Variants in THAP9 observed in about 807,000 individuals in gnomAD.
The protein encoded by THAP9 is THAP domain containing 9.
A neutral mutation model predicts 35.7 loss-of-function variants in THAP9; 20 were observed. That is an observed-to-expected ratio of 0.56 (90% CI 0.39 to 0.81). The LOEUF (loss-of-function observed/expected upper bound fraction) is 0.81. THAP9 is among the 40% of genes least tolerant of loss of function. The pLI, the probability that THAP9 is intolerant of heterozygous loss-of-function variation, is 0.00. For missense variants in THAP9, 870 were observed against 1,047.4 expected, an observed-to-expected ratio of 0.83 and a Z score of 2.34; for synonymous variants, 335 against 373.7, an observed-to-expected ratio of 0.90 and a Z score of 1.19.
chr4:82,912,829 C>T (rs556302691), intron 4 of THAP9, among the ~76,000 whole-genome samples: 2 of 152,220 alleles, frequency 1.3e-5, no homozygotes, highest in East Asian at 3.9e-4. Flanking sequence ...AGATGTCCTT[C>T]GATTTGAGTT....
At position 82,917,827 on chromosome 4, in the gene THAP9, A is replaced by G. The variant is rs773063227; in HGVS notation, c.1615A>G (p.Thr539Ala). The change falls in exon 5 of 5, where the codon ACT becomes GCT. Residue 539 changes from threonine (T) to alanine (A), a missense_variant. Thr to Ala is a moderately conservative substitution (Grantham distance 58). Coordinates refer to ENST00000302236, the MANE Select transcript of THAP9 (RefSeq NM_024672.6). ...ACTTAAAGGGCCTCTGTTGCCTGAA[A>G]CTTACAGTAAAATAAACCACGTGTT... ...KGLKGPLLPE[T>A]YSKINHVLIE... 1.2e-6 allele frequency: 2 copies of G among 1,613,624 alleles called. No individual in the cohort carries two copies. Among genetic ancestry groups the G allele is most frequent in the South Asian group, 2.2e-5 (2 of 91,064 alleles).
intron 2 of THAP9, chr4:82,906,021 C>T (rs1194195387): frequency 6.8e-6 from 3 of 438,566 alleles, no homozygotes; most frequent in African/African-American, 4.1e-5. Flanking sequence ...GTTATTGTAC[C>T]TTCTAAGAAC....
Position 82,904,827 on chromosome 4 carries a change from G to A in THAP9, c.172G>A (p.Gly58Ser). ...RSKKIWIPGP[G>S]AILCSKHFQE... is the part of the protein sequence containing the mutation. The stretch of plus-strand genomic sequence containing the variant: ...CAAAAAGATTTGGATTCCAGGACCA[G>A]GTGCTATACTGTGTTCCAAACATTT... The change falls in exon 2 of 5, where the codon GGT becomes AGT. Residue 58 changes from glycine to serine, a missense_variant. Physicochemically the swap from Gly to Ser is moderately conservative, Grantham distance 56. This residue lies in a region of THAP9 where 440 missense variants were observed against 501.2 expected (regional missense o/e 0.88). Coordinates refer to ENST00000302236, the MANE Select transcript of THAP9 (RefSeq NM_024672.6). The A allele has an allele frequency of 6.2e-7, 1 of 1,614,066 alleles. No homozygotes were observed. The highest frequency in any genetic ancestry group is 1.7e-5 in the Admixed American group (1 of 60,020).
In THAP9 at chr4:82,917,264, C is replaced by G; in HGVS notation, c.1052C>G (p.Ala351Gly). ...FVNRASGYLQ[A>G]QLLRLTIGKL... ...AACAGAGCATCTGGATATTTGCAGGCTCAGCTGCTTCGTCTGACTATTGGT... is the reference window on the plus strand; with the variant it reads ...AACAGAGCATCTGGATATTTGCAGGGTCAGCTGCTTCGTCTGACTATTGGT... The change falls in exon 5 of 5, where the codon GCT becomes GGT. Residue 351 changes from alanine (A) to glycine (G), a missense_variant. Ala to Gly is a moderately conservative substitution (Grantham distance 60). This residue lies in a region of THAP9 where 440 missense variants were observed against 501.2 expected (regional missense o/e 0.88). Coordinates refer to ENST00000302236, the MANE Select transcript of THAP9 (RefSeq NM_024672.6). The G allele has an allele frequency of 1.1e-5, 18 of 1,614,114 alleles. No homozygotes were observed. The highest frequency in any genetic ancestry group is 1.5e-5 in the Non-Finnish European group (18 of 1,180,004).
At chr4:82,901,114 G>A (rs966142686) in intron 1 of THAP9, 6 of 694,984 alleles carry the variant, frequency 8.6e-6, no homozygotes, top group South Asian at 1.5e-5. Flanking sequence ...ACCGCCTACC[G>A]CTTTAAGGAG....
rs1243470879 is a variant in THAP9, at chr4:82,917,486, C to G, written c.1274C>G (p.Ala425Gly). 6 of 1,613,464 alleles carry G rather than the reference C, an allele frequency of 3.7e-6. No homozygotes were observed. Among genetic ancestry groups the G allele is most frequent in the Admixed American group, 3.3e-5 (2 of 60,010 alleles). The change falls in exon 5 of 5, where the codon GCA (alanine) becomes GGA (glycine). Residue 425 changes from alanine to glycine, a missense_variant. Around this residue, in one of 3 missense-constraint regions of THAP9, gnomAD observed 440 missense variants for 501.2 expected, o/e 0.88. Transcript: ENST00000302236. ...CACTTGCTAAGATTAATAAGAAATG[C>G]ATTTCAGAATTTTCAAAGCATTCAG... is the stretch of plus-strand genomic sequence containing the variant. Reference protein sequence around the residue: ...SCHLLRLIRNAFQNFQSIQFI... With the variant: ...SCHLLRLIRNGFQNFQSIQFI...
chr4:82,904,676 A>G (rs1442066484), intron 1 of THAP9, 60 bp from the exon 2 acceptor site: 10 of 1,466,334 alleles, frequency 6.8e-6, no homozygotes, highest in Non-Finnish European at 9.5e-6. Context: ...TATAATAAAT[A>G]CTACTGTAAT....
In THAP9 at chr4:82,917,604, A is replaced by G; in HGVS notation, c.1392A>G (p.Thr464=). The part of the protein sequence containing the change: ...ELSNMERIPS[T]LANLKNHVLK... ...CAAATATGGAAAGAATACCAAGTACACTTGCAAATTTGAAAAATCATGTAC... is the reference window on the plus strand; with the variant it reads ...CAAATATGGAAAGAATACCAAGTACGCTTGCAAATTTGAAAAATCATGTAC... Residue 464 remains threonine, a synonymous_variant, in exon 5 of 5, where the codon ACA becomes ACG. Coordinates refer to ENST00000302236, the MANE Select transcript of THAP9 (RefSeq NM_024672.6). The G allele has an allele frequency of 1.2e-6, 2 of 1,614,132 alleles. No individual in the cohort carries two copies. Among genetic ancestry groups the G allele is most frequent in the South Asian group, 1.1e-5 (1 of 91,074 alleles).
intron 4 of THAP9, among the ~76,000 whole-genome samples, chr4:82,909,042 GAT>G (rs1720764329): frequency 2.0e-5 from 3 of 151,846 alleles, no homozygotes; most frequent in Non-Finnish European, 1.5e-5. Flanking sequence ...AAGTAGCTGG[GAT>G]TACAGGTGTC....
chr4:82,906,636 C>T lies in THAP9; in HGVS notation c.580+9C>T. On this transcript the variant is annotated intron_variant, in intron 3 of 4. Transcript: ENST00000302236. ...ACGAGCTCAATTTTCAGGTACTTCC[C>T]CCTAGTAACCTGTAGTATTTACAAA... 6.4e-7 allele frequency: 1 copy of T among 1,573,654 alleles called. No individual in the cohort carries two copies. Among genetic ancestry groups the T allele is most frequent in the Non-Finnish European group, 8.6e-7 (1 of 1,161,544 alleles).
chr4:82,918,116 A>G lies in THAP9; in HGVS notation c.1904A>G (p.Gln635Arg), dbSNP rs1318167109. ...TCTAGCCCTACCTGCATGGCATTCC[A>G]GAAAGCTTACTATAATTTGGAGACC... ...TSSSPTCMAF[Q>R]KAYYNLETRY... Residue 635 changes from glutamine to arginine, a missense_variant, in exon 5 of 5, where the codon CAG becomes CGG. Physicochemically the swap from Gln to Arg is conservative, Grantham distance 43. Coordinates refer to ENST00000302236, the MANE Select transcript of THAP9 (RefSeq NM_024672.6). 2 of 1,614,180 alleles carry G rather than the reference A, an allele frequency of 1.2e-6. No individual in the cohort carries two copies. Among genetic ancestry groups the G allele is most frequent in the Non-Finnish European group, 1.7e-6 (2 of 1,180,006 alleles).
Position 82,918,553 on chromosome 4 carries a change from A to C in THAP9, c.2341A>C (p.Thr781Pro). 1.2e-6 allele frequency: 2 copies of C among 1,614,122 alleles called. No individual in the cohort carries two copies. Among genetic ancestry groups the C allele is most frequent in the Non-Finnish European group, 1.7e-6 (2 of 1,179,974 alleles). The part of the protein sequence containing the change: ...VINICERVVR[T>P]HSRMAIFELV... ...AAATATTTGTGAGCGAGTTGTAAGAACCCATTCAAGAATGGCAATTTTTGA... is the reference window on the plus strand; with the variant it reads ...AAATATTTGTGAGCGAGTTGTAAGACCCCATTCAAGAATGGCAATTTTTGA... Residue 781 changes from threonine (T) to proline (P), a missense_variant, in exon 5 of 5, where the codon ACC (threonine) becomes CCC (proline). Physicochemically the swap from Thr to Pro is conservative, Grantham distance 38. Coordinates refer to ENST00000302236, the MANE Select transcript of THAP9 (RefSeq NM_024672.6).
chr4:82,906,238 T>G (rs976100295), intron 2 of THAP9, 86 bp from the exon 3 acceptor site: 1 of 1,117,400 alleles, frequency 8.9e-7, no homozygotes, highest in Non-Finnish European at 1.3e-6. Flanking sequence ...GCAACCAGAT[T>G]AGTGCTTTGT....
intron 1 of THAP9, chr4:82,903,680 C>G (rs1720520948): frequency 1.3e-5 from 2 of 152,554 alleles, no homozygotes; most frequent in South Asian, 4.1e-4. Context: ...CAAGTTACCT[C>G]AAAATTCAGT....
At chr4:82,902,720 G>A (rs796419165) in intron 1 of THAP9, among the ~76,000 whole-genome samples, 8 of 152,194 alleles carry the variant, frequency 5.3e-5, no homozygotes, top group African/African-American at 1.9e-4. Flanking sequence ...AGAATTCCCT[G>A]TTCATTTGCC....
At chr4:82,909,422 CTG>C (rs111834183) in intron 4 of THAP9, among the ~76,000 whole-genome samples, 26 of 150,438 alleles carry the variant, frequency 1.7e-4, no homozygotes, top group Non-Finnish European at 2.7e-4. Context: ...TATTTCCTTC[CTG>C]TGTGTGTGTG....
intron 4 of THAP9, chr4:82,910,731 T>C (rs1720838096): frequency 3.8e-6 from 2 of 524,274 alleles, no homozygotes; most frequent in Non-Finnish European, 6.8e-6. Flanking sequence ...AACCAGGAGA[T>C]TGTGATGGCC....
In THAP9 at chr4:82,900,756, C is replaced by A; in HGVS notation, c.-47C>A. ...GGGCGGAGCTAAAGTGGTCGTGATT[C>A]ATGCTGTCGCGGGAACCCCGAAGGT... On this transcript the variant is annotated 5_prime_UTR_variant, in exon 1 of 5. Transcript: ENST00000302236. 4 of 1,602,120 alleles carry A rather than the reference C, an allele frequency of 2.5e-6. No individual in the cohort carries two copies. The highest frequency in any genetic ancestry group is 3.4e-6 in the Non-Finnish European group (4 of 1,169,866).
chr4:82,905,814 A>G (rs750516464), intron 2 of THAP9: 3 of 454,800 alleles, frequency 6.6e-6, no homozygotes, highest in Non-Finnish European at 1.3e-5. Context: ...ATAAATTCTT[A>G]TATTGTATCT....
Sources: gnomAD v4.1 joint callset for allele counts (sites outside exome capture counted in the v4.1 genomes callset) on GRCh38, gnomAD v4.1.1 for gene constraint, gnomAD v4.1.1 regional missense constraint, MANE v1.5 for transcripts, NCBI Gene and HGNC (gene_info 2026-07-23, HGNC 2026-07-21) for gene names.